RPS27L: variants seen among roughly 807,000 people sequenced by gnomAD.
RPS27L encodes the protein ribosomal protein S27 like, also known as ribosomal protein eS27-like.
A neutral mutation model predicts 12.8 loss-of-function variants in RPS27L; 10 were observed. The ratio of observed to expected loss-of-function variants is 0.78; its 90% CI spans 0.48 to 1.33. The LOEUF (loss-of-function observed/expected upper bound fraction) is 1.33, where lower values mean the gene tolerates loss of function less well. RPS27L is among the 40% of genes most tolerant of loss of function. The probability of loss-of-function intolerance (pLI) is 0.00; values close to 1 mark genes in which losing one functional copy is unlikely to be tolerated. For missense variants in RPS27L, 81 were observed against 97.4 expected, an observed-to-expected ratio of 0.83 and a Z score of 0.71; for synonymous variants, 26 against 32.3, an observed-to-expected ratio of 0.81 and a Z score of 0.66.
chr15:63,156,832 C>G (rs1469267720), intron 1 of RPS27L: 1 of 531,424 alleles, frequency 1.9e-6, no homozygotes, highest in Non-Finnish European at 3.3e-6. Flanking sequence ...AGTCGAGGTG[C>G]TAAGCAAAGA....
chr15:63,156,264 A>G (rs987750452), intron 2 of RPS27L, 149 bp downstream of exon 2: 1 of 566,244 alleles, frequency 1.8e-6, no homozygotes, highest in Non-Finnish European at 3.1e-6. Flanking sequence ...GTTTCAGTAC[A>G]TTTATTATGA....
Position 63,155,648 on chromosome 15 carries a change from T to C in RPS27L, c.199A>G (p.Thr67Ala), listed in dbSNP as rs751540201. 5.6e-6 allele frequency: 9 copies of C among 1,593,808 alleles called. No homozygotes were observed. Among genetic ancestry groups the C allele is most frequent in the East Asian group, 2.3e-5 (1 of 43,430 alleles). ...TCTGTGAGTCTGGCCTTTCCTCCTGTAGGCTGGCACAACACTGTTGAACAA... is the reference window on the plus strand; with the variant it reads ...TCTGTGAGTCTGGCCTTTCCTCCTGCAGGCTGGCACAACACTGTTGAACAA... Reference protein sequence around the residue: ...VGCSTVLCQPTGGKARLTEGC... With the variant: ...VGCSTVLCQPAGGKARLTEGC... Residue 67 changes from threonine (T) to alanine (A), a missense_variant, in exon 3 of 4, where the codon ACA (threonine) becomes GCA (alanine). Coordinates refer to ENST00000330964, the MANE Select transcript of RPS27L (RefSeq NM_015920.4).
At position 63,155,679 on chromosome 15, in the gene RPS27L, A is replaced by C. The variant is rs1256672096; in HGVS notation, c.168T>G (p.Cys56Trp). Residue 56 changes from cysteine (C) to tryptophan (W), a missense_variant, in exon 3 of 4, where the codon TGT (cysteine) becomes TGG (tryptophan). Coordinates refer to ENST00000330964, the MANE Select transcript of RPS27L (RefSeq NM_015920.4). ...VFSHAQTVVLCVGCSTVLCQP... is the reference protein window; with the variant it reads ...VFSHAQTVVLWVGCSTVLCQP... Reference sequence around the variant, plus strand: ...GGCACAACACTGTTGAACAACCTACACAAAGAACCACTGTCTGAGCATGGC... The same window carrying C: ...GGCACAACACTGTTGAACAACCTACCCAAAGAACCACTGTCTGAGCATGGC... 6.3e-7 allele frequency: 1 copy of C among 1,576,830 alleles called. No individual in the cohort carries two copies. Among genetic ancestry groups the C allele is most frequent in the Admixed American group, 1.8e-5 (1 of 54,620 alleles).
In RPS27L at chr15:63,157,431, T is replaced by C. The variant is rs776131312; in HGVS notation, c.-26A>G. On this transcript the variant is annotated 5_prime_UTR_variant, in exon 1 of 4. Transcript: ENST00000330964. ...GTTGATCCTCTTGCAAGCTCAGCCC[T>C]ACCAGACCTCCCAGCCCACACAGCT... The C allele has an allele frequency of 6.8e-6, 11 of 1,613,770 alleles. No individual in the cohort carries two copies. Among genetic ancestry groups the C allele is most frequent in the South Asian group, 5.5e-5 (5 of 91,078 alleles).
At position 63,149,916 on chromosome 15, in the gene RPS27L, T is replaced by C. The variant is rs2037289085; in HGVS notation, c.*4116A>G. 6.6e-6 allele frequency: 1 copy of C among 151,850 alleles called. No homozygotes were observed. The highest frequency in any genetic ancestry group is 1.5e-5 in the Non-Finnish European group (1 of 68,064). The allele number at this position is 151,850 out of a possible 1,614,324, so 9.4% of individuals were successfully genotyped here. A position where few individuals can be genotyped will look rare whatever the true frequency, so the allele number is the denominator to read the frequency against. Reference sequence around the variant, plus strand: ...GGCGAAACCCCATCTCTACAAAAAATACAAAAAATTAGCGGGGTGTGGTGG... The same window carrying C: ...GGCGAAACCCCATCTCTACAAAAAACACAAAAAATTAGCGGGGTGTGGTGG... On this transcript the variant is annotated 3_prime_UTR_variant, in exon 4 of 4. Transcript: ENST00000330964.
In RPS27L at chr15:63,151,571, A is replaced by T. The variant is rs2037299626; in HGVS notation, c.*2461T>A. The T allele has an allele frequency of 6.6e-6, 1 of 152,148 alleles. No homozygotes were observed. Among genetic ancestry groups the T allele is most frequent in the Non-Finnish European group, 1.5e-5 (1 of 68,038 alleles). 9.4% of individuals were successfully genotyped at this position (152,148 alleles called of 1,614,324 possible). A position where few individuals can be genotyped will look rare whatever the true frequency, so the allele number is the denominator to read the frequency against. ...CTTTAAAGTATAATCCTTTTTTAAA[A>T]AATACTTCCAAGGGAATTTTCAGGG... On this transcript the variant is annotated 3_prime_UTR_variant, in exon 4 of 4. Coordinates refer to ENST00000330964, the MANE Select transcript of RPS27L (RefSeq NM_015920.4).
chr15:63,155,584 A>G (rs759108964), intron 3 of RPS27L, 37 bp downstream of exon 3: 34 of 1,281,764 alleles, frequency 2.7e-5, no homozygotes, highest in Admixed American at 2.3e-4. Context: ...ATAATCATCA[A>G]TCTCATCACT....
intron 1 of RPS27L, 127 bp downstream of exon 1, chr15:63,157,273 G>T: frequency 9.3e-7 from 1 of 1,076,292 alleles, no homozygotes; most frequent in Non-Finnish European, 1.4e-6. Flanking sequence ...CGAAGACGCT[G>T]CGCAACCTGA....
chr15:63,150,929 T>A lies in RPS27L; in HGVS notation c.*3103A>T, dbSNP rs954103116. On this transcript the variant is annotated 3_prime_UTR_variant, in exon 4 of 4. Coordinates refer to ENST00000330964, the MANE Select transcript of RPS27L (RefSeq NM_015920.4). ...TGCTGGGATTATAGGCGTGAGCCAC[T>A]GCGCCCGGCCTATTTTTAGCTATCT... 1 of 152,146 alleles carries A rather than the reference T, an allele frequency of 6.6e-6. No individual in the cohort carries two copies. The highest frequency in any genetic ancestry group is 1.5e-5 in the Non-Finnish European group (1 of 68,022). The allele number at this position is 152,146 out of a possible 1,614,324, so 9.4% of individuals were successfully genotyped here.
At chr15:63,156,638 A>G in intron 1 of RPS27L, 117 bp from the exon 2 acceptor site, 1 of 702,060 alleles carries the variant, frequency 1.4e-6, no homozygotes, top group Non-Finnish European at 2.5e-6. Context: ...CAGAAGCAAC[A>G]CGTCAGATAG....
Position 63,150,542 on chromosome 15 carries a change from G to A in RPS27L, c.*3490C>T, listed in dbSNP as rs2037293762. ...TATCTCCAGAAAAATAAAACAGAAAGGAATTAGAGCTTTATCAGATGACTT... is the reference window on the plus strand; with the variant it reads ...TATCTCCAGAAAAATAAAACAGAAAAGAATTAGAGCTTTATCAGATGACTT... On this transcript the variant is annotated 3_prime_UTR_variant, in exon 4 of 4. Transcript: ENST00000330964. The A allele has an allele frequency of 6.6e-6, 1 of 152,200 alleles. No homozygotes were observed. The highest frequency in any genetic ancestry group is 2.4e-5 in the African/African-American group (1 of 41,454). The allele number at this position is 152,200 out of a possible 1,614,324, so 9.4% of individuals were successfully genotyped here.
chr15:63,154,527 T>A (rs2037319561), intron 3 of RPS27L: 1 of 153,196 alleles, frequency 6.5e-6, no homozygotes, highest in African/African-American at 2.4e-5. Context: ...ATACTTTGTT[T>A]CAAAAATCTC....
intron 2 of RPS27L, among the ~76,000 whole-genome samples, 176 bp downstream of exon 2, chr15:63,156,237 G>A (rs987686086): frequency 1.3e-5 from 2 of 152,128 alleles, no homozygotes; most frequent in African/African-American, 4.8e-5. Flanking sequence ...CACTTACCCC[G>A]AAATGTTTCT....
chr15:63,156,545 C>T, intron 1 of RPS27L, 24 bp from the exon 2 acceptor site: 2 of 1,416,486 alleles, frequency 1.4e-6, no homozygotes, highest in Non-Finnish European at 2.0e-6. Flanking sequence ...CATATTATTA[C>T]TATTAGTTTT....
chr15:63,156,662 C>G (rs2037334688), intron 1 of RPS27L, 141 bp from the exon 2 acceptor site: 2 of 674,536 alleles, frequency 3.0e-6, no homozygotes, highest in Non-Finnish European at 5.2e-6. Context: ...AGTTATTTTT[C>G]GAAACCTGTT....
At chr15:63,154,177 T>C (rs2037317949) in intron 3 of RPS27L, 117 bp from the exon 4 acceptor site, 1 of 764,044 alleles carries the variant, frequency 1.3e-6, no homozygotes, top group Non-Finnish European at 2.2e-6. Flanking sequence ...GGATTAATAC[T>C]CATATACAGA....
chr15:63,154,387 G>C (rs1188810289), intron 3 of RPS27L: 1 of 245,844 alleles, frequency 4.1e-6, no homozygotes, highest in African/African-American at 2.2e-5. Context: ...GAACTATTCT[G>C]AATACTTTTC....
chr15:63,153,929 A>G lies in RPS27L; in HGVS notation c.*103T>C. Reference sequence around the variant, plus strand: ...ACTGCTGTATACCTTACAAAACCAAATGTAATTACATTATCTTGGTAAATT... The same window carrying G: ...ACTGCTGTATACCTTACAAAACCAAGTGTAATTACATTATCTTGGTAAATT... On this transcript the variant is annotated 3_prime_UTR_variant, in exon 4 of 4. Coordinates refer to ENST00000330964, the MANE Select transcript of RPS27L (RefSeq NM_015920.4). The G allele has an allele frequency of 9.7e-7, 1 of 1,035,698 alleles. No homozygotes were observed. Among genetic ancestry groups the G allele is most frequent in the Non-Finnish European group, 1.5e-6 (1 of 669,634 alleles). 64.2% of individuals were successfully genotyped at this position (1,035,698 alleles called of 1,614,324 possible).
Position 63,153,726 on chromosome 15 carries a change from C to CT in RPS27L, c.*305_*306insA, listed in dbSNP as rs2037314781. On this transcript the variant is annotated 3_prime_UTR_variant, in exon 4 of 4. Coordinates refer to ENST00000330964, the MANE Select transcript of RPS27L (RefSeq NM_015920.4). ...AGTGACAGAGCAGGACTCTCTCTCT[C>CT]AAAAAAAAAAAAAAAGACACAAACT... The CT allele has an allele frequency of 1.1e-5, 2 of 190,006 alleles. No individual in the cohort carries two copies. The highest frequency in any genetic ancestry group is 1.9e-5 in the Non-Finnish European group (2 of 104,668). 11.8% of individuals were successfully genotyped at this position (190,006 alleles called of 1,614,324 possible). A position where few individuals can be genotyped will look rare whatever the true frequency, so the allele number is the denominator to read the frequency against.
Sources: gnomAD v4.1 joint callset for allele counts (sites outside exome capture counted in the v4.1 genomes callset) on GRCh38, gnomAD v4.1.1 for gene constraint, MANE v1.5 for transcripts, NCBI Gene and HGNC (gene_info 2026-07-23, HGNC 2026-07-21) for gene names.